Variants in SCOC observed in about 807,000 individuals in gnomAD.
The protein encoded by SCOC is short coiled-coil protein.
Under a neutral mutation model 9.9 loss-of-function variants are expected in SCOC, and 7 were observed. That is an observed-to-expected ratio of 0.71 (90% CI 0.40 to 1.33). The LOEUF (loss-of-function observed/expected upper bound fraction) is 1.33, where lower values mean the gene tolerates loss of function less well. Among genes scored for constraint, SCOC ranks in the 40% most tolerant of loss-of-function variants. The probability of loss-of-function intolerance (pLI) is 0.01; values close to 1 mark genes in which losing one functional copy is unlikely to be tolerated. For missense variants in SCOC, 66 were observed against 89.7 expected (o/e 0.74, Z 1.07); for synonymous variants, 19 against 28.2 (o/e 0.67, Z 1.03).
chr4:140,316,068 C>T (rs1732310371), intron 1 of SCOC, among the ~76,000 whole-genome samples: 1 of 152,060 alleles, frequency 6.6e-6, no homozygotes, highest in South Asian at 2.1e-4. Context: ...CCAATGAGGC[C>T]TCATTGGCAG....
At chr4:140,297,767 C>G (rs1731694108) in intron 1 of SCOC, among the ~76,000 whole-genome samples, 1 of 152,070 alleles carries the variant, frequency 6.6e-6, no homozygotes, top group African/African-American at 2.4e-5. Flanking sequence ...AACACCATCA[C>G]AGAGGTGCAG....
Position 140,353,938 on chromosome 4 carries a change from G to A in SCOC, c.70+10230G>A, listed in dbSNP as rs112365842. Among the ~76,000 whole-genome samples the A allele has an allele frequency of 1.8e-4, 28 of 152,302 alleles. 1 individual carries two copies. Among genetic ancestry groups the A allele is most frequent in the African/African-American group, 6.0e-4 (25 of 41,562 alleles). On this transcript the variant is annotated intron_variant, in intron 2 of 4. Coordinates refer to the SCOC transcript ENST00000338517. ...TCTCCATACACATGTTTCATTGTCA[G>A]CTTAATGACTTTGGCTCAGAGCACT...
At chr4:140,317,935 G>A (rs867877017) in intron 1 of SCOC, among the ~76,000 whole-genome samples, 6 of 140,910 alleles carry the variant, frequency 4.3e-5, no homozygotes, top group African/African-American at 1.6e-4. Context: ...ACCTATGAGT[G>A]AGAATATGCG....
chr4:140,313,268 G>A (rs763969411), intron 1 of SCOC, among the ~76,000 whole-genome samples: 24 of 152,078 alleles, frequency 1.6e-4, no homozygotes, highest in Middle Eastern at 3.2e-3. Context: ...TTTTTGAAAC[G>A]GAGTTTTGTT....
chr4:140,263,954 T>C (rs1468362222), intron 1 of SCOC, among the ~76,000 whole-genome samples: 1 of 152,078 alleles, frequency 6.6e-6, no homozygotes, highest in Non-Finnish European at 1.5e-5. Context: ...AGGAAACAGG[T>C]TGAAAAGTCT....
chr4:140,379,079 A>G (rs1412839721), intron 1 of SCOC, 42 bp from the exon 2 acceptor site: 2 of 1,170,562 alleles, frequency 1.7e-6, no homozygotes, highest in African/African-American at 3.0e-5. Flanking sequence ...CTTATAGTTT[A>G]TTGCTGTATG....
chr4:140,349,894 C>T (rs1295659253), intron 2 of SCOC, among the ~76,000 whole-genome samples: 1 of 152,158 alleles, frequency 6.6e-6, no homozygotes, highest in Non-Finnish European at 1.5e-5. Context: ...AGAGAACAAT[C>T]AATGCCTCAC....
At chr4:140,338,508 T>C (rs1271477243), upstream of SCOC, among the ~76,000 whole-genome samples, 1 of 152,216 alleles carries the variant, frequency 6.6e-6, no homozygotes, top group Non-Finnish European at 1.5e-5. Flanking sequence ...GAAGTCAAAT[T>C]GTCCCTGTTT....
upstream of SCOC, among the ~76,000 whole-genome samples, chr4:140,372,635 T>G (rs976482299): frequency 6.6e-6 from 1 of 152,182 alleles, no homozygotes; most frequent in Admixed American, 6.5e-5. Context: ...CTCAAAACAC[T>G]GAATAGAAGA....
intron 1 of SCOC, among the ~76,000 whole-genome samples, chr4:140,291,079 C>CCAACA (rs1255666425): frequency 1.3e-5 from 2 of 152,316 alleles, no homozygotes; most frequent in Non-Finnish European, 2.9e-5. Context: ...ATTGGCTCTC[C>CCAACA]CAACACAACA....
upstream of SCOC, chr4:140,373,322 G>A: frequency 7.1e-7 from 1 of 1,402,430 alleles, no homozygotes; most frequent in African/African-American, 1.5e-5. Flanking sequence ...TTTCCACACT[G>A]GGATTCTCAC....
At chr4:140,287,998 A>G (rs1024155756) in intron 1 of SCOC, among the ~76,000 whole-genome samples, 2 of 151,968 alleles carry the variant, frequency 1.3e-5, no homozygotes, top group African/African-American at 4.8e-5. Context: ...TACTACATGC[A>G]CCACACATGT....
intron 1 of SCOC, among the ~76,000 whole-genome samples, chr4:140,294,354 C>A (rs903055554): frequency 6.6e-6 from 1 of 152,192 alleles, no homozygotes; most frequent in Non-Finnish European, 1.5e-5. Flanking sequence ...GTACCGGATG[C>A]CACTGTGGAA....
chr4:140,292,143 C>T (rs527694174), intron 1 of SCOC, among the ~76,000 whole-genome samples: 24 of 151,962 alleles, frequency 1.6e-4, no homozygotes, highest in Admixed American at 5.2e-4. Flanking sequence ...TGTTCAACCA[C>T]CTTGATCACG....
chr4:140,323,293 A>G (rs1178520368), intron 1 of SCOC, among the ~76,000 whole-genome samples: 1 of 152,096 alleles, frequency 6.6e-6, no homozygotes. Context: ...CTCCACCTTC[A>G]CCTTCCACCA....
At chr4:140,303,631 GAAAGTTCTGAGTTCCTCAGTTC>G (rs1293128062) in intron 1 of SCOC, among the ~76,000 whole-genome samples, 22 of 152,302 alleles carry the variant, frequency 1.4e-4, no homozygotes, top group South Asian at 8.3e-4. Context: ...CCTTTCTATA[GAAAGTTCTGAGTTCCTCAGTTC>G]AAAGTTCTGA....
At chr4:140,272,822 C>T (rs766178922) in intron 1 of SCOC, among the ~76,000 whole-genome samples, 34 of 151,560 alleles carry the variant, frequency 2.2e-4, no homozygotes, top group South Asian at 4.2e-4. Flanking sequence ...GGAAGGAAGG[C>T]GGGGAGGGGA....
intron 1 of SCOC, among the ~76,000 whole-genome samples, chr4:140,325,721 T>C (rs1412817586): frequency 1.3e-5 from 2 of 152,162 alleles, no homozygotes; most frequent in African/African-American, 2.4e-5. Flanking sequence ...CTCTCATTCA[T>C]TGCTGTTGAG....
intron 2 of SCOC, among the ~76,000 whole-genome samples, chr4:140,360,314 T>G (rs1185469532): frequency 6.6e-6 from 1 of 152,222 alleles, no homozygotes; most frequent in African/African-American, 2.4e-5. Flanking sequence ...AATAGGCTTT[T>G]GTCACTAATA....
Sources: allele counts gnomAD v4.1 joint callset (sites outside exome capture counted in the v4.1 genomes callset), GRCh38; gene constraint gnomAD v4.1.1; transcripts MANE v1.5; gene names NCBI Gene and HGNC (gene_info 2026-07-23, HGNC 2026-07-21).